Variants in DYRK2 observed in about 807,000 individuals in gnomAD.
The protein encoded by DYRK2 is dual specificity tyrosine phosphorylation regulated kinase 2, also known as dual specificity tyrosine-phosphorylation-regulated kinase 2.
Under a neutral mutation model 41.6 loss-of-function variants are expected in DYRK2, and 12 were observed. That is an observed-to-expected ratio of 0.29 (90% CI 0.18 to 0.47). The LOEUF is 0.47. DYRK2 is among the 20% of genes least tolerant of loss of function. DYRK2 has a pLI of 1.00. For missense variants in DYRK2, 678 were observed against 798.4 expected (o/e 0.85, Z 1.82); for synonymous variants, 322 against 315.7 (o/e 1.02, Z -0.21).
At position 67,658,062 on chromosome 12, in the gene DYRK2, G is replaced by A. The variant is rs146652644; in HGVS notation, c.1155G>A (p.Ser385=). Reference sequence around the variant, plus strand: ...AGCGTGTCTACACGTACATCCAGTCGCGTTTTTACCGGGCTCCAGAAGTGA... The same window carrying A: ...AGCGTGTCTACACGTACATCCAGTCACGTTTTTACCGGGCTCCAGAAGTGA... ...EHQRVYTYIQ[S]RFYRAPEVIL... Residue 385 remains serine (S), a synonymous_variant, in exon 3 of 3, where the codon TCG becomes TCA. Coordinates refer to ENST00000344096, the MANE Select transcript of DYRK2 (RefSeq NM_006482.3). The surrounding 1 kb of genome is among the most constrained non-coding windows in gnomAD (Gnocchi z 4.3). 66 of 1,614,118 alleles carry A rather than the reference G, an allele frequency of 4.1e-5. No homozygotes were observed. Among genetic ancestry groups the A allele is most frequent in the South Asian group, 9.9e-5 (9 of 91,086 alleles).
In DYRK2 at chr12:67,658,669, G is replaced by A; in HGVS notation, c.1762G>A (p.Gly588Arg). 6.2e-7 allele frequency: 1 copy of A among 1,613,688 alleles called. No individual in the cohort carries two copies. Residue 588 changes from glycine to arginine, a missense_variant, in exon 3 of 3, where the codon GGG becomes AGG. By Grantham distance (125) the Gly-to-Arg change is moderately radical (BLOSUM62 -2). This residue lies in a region of DYRK2 where 393 missense variants were observed against 519.1 expected (regional missense o/e 0.76). Transcript: ENST00000344096. This position sits in a 1 kb window ranked among gnomAD's most constrained non-coding sequence, Gnocchi z 4.3. ...TTTGGCGCAGATGACAGATGCCAAT[G>A]GGAATATTCAGCAGAGGACAGTGTT... ...TNLAQMTDAN[G>R]NIQQRTVLPK... is the part of the protein sequence containing the mutation.
intron 2 of DYRK2, among the ~76,000 whole-genome samples, chr12:67,656,060 G>A (rs2620790): frequency 1 from 151,778 of 152,300 alleles, 75,629 homozygotes; most frequent in Middle Eastern, 1. Context: ...GAAATCACCT[G>A]CCAGGCTGCT....
chr12:67,649,365 C>T (rs1193360942), intron 1 of DYRK2, among the ~76,000 whole-genome samples, 183 bp downstream of exon 1: 12 of 151,506 alleles, frequency 7.9e-5, no homozygotes, highest in Non-Finnish European at 1.6e-4. Context: ...CCGAAGGCCC[C>T]TCCGCGGGGA....
At position 67,658,663 on chromosome 12, in the gene DYRK2, G is replaced by A; in HGVS notation, c.1756G>A (p.Ala586Thr). The A allele has an allele frequency of 6.2e-7, 1 of 1,613,874 alleles. No homozygotes were observed. Residue 586 changes from alanine (A) to threonine (T), a missense_variant, in exon 3 of 3, where the codon GCC (alanine) becomes ACC (threonine). Around this residue, in one of 2 missense-constraint regions of DYRK2, gnomAD observed 393 missense variants for 519.1 expected, o/e 0.76. Coordinates refer to ENST00000344096, the MANE Select transcript of DYRK2 (RefSeq NM_006482.3). This position sits in a 1 kb window ranked among gnomAD's most constrained non-coding sequence, Gnocchi z 4.3. ...LRTNLAQMTD[A>T]NGNIQQRTVL... ...GACTAATTTGGCGCAGATGACAGAT[G>A]CCAATGGGAATATTCAGCAGAGGAC...
chr12:67,654,148 T>C (rs1872401534), intron 2 of DYRK2, among the ~76,000 whole-genome samples: 1 of 152,224 alleles, frequency 6.6e-6, no homozygotes. Context: ...GATCATTTAA[T>C]GTGTGTCTAA....
At chr12:67,652,040 A>C (rs1872336581) in intron 2 of DYRK2, among the ~76,000 whole-genome samples, 4 of 152,214 alleles carry the variant, frequency 2.6e-5, no homozygotes, top group Admixed American at 2.6e-4. Flanking sequence ...AAGAACTTCT[A>C]GAATGAATGG....
rs566827501 is a variant in DYRK2, at chr12:67,660,147, T to A, written c.*1434T>A. 4.8e-5 allele frequency: 8 copies of A among 167,120 alleles called. No homozygotes were observed. In the South Asian group the frequency reaches 1.2e-3, roughly 26 times the overall value. 10.4% of individuals were successfully genotyped at this position (167,120 alleles called of 1,614,324 possible). ...TCAATTTCAAGGCACGTGAAAAAAA[T>A]TTTTTAGTATGTGCAATTTAATATA... On this transcript the variant is annotated 3_prime_UTR_variant, in exon 3 of 3. Coordinates refer to ENST00000344096, the MANE Select transcript of DYRK2 (RefSeq NM_006482.3).
At chr12:67,649,278 C>G in intron 1 of DYRK2, 96 bp downstream of exon 1, 1 of 1,052,336 alleles carries the variant, frequency 9.5e-7, no homozygotes, top group Non-Finnish European at 1.2e-6. Context: ...GGACCTCGAA[C>G]AAAGTCGGCG....
rs971408842 is a variant in DYRK2 at position 67,662,176 on chromosome 12, A to G, written c.*3463A>G. On this transcript the variant is annotated 3_prime_UTR_variant, in exon 3 of 3. Coordinates refer to ENST00000344096, the MANE Select transcript of DYRK2 (RefSeq NM_006482.3). Reference sequence around the variant, plus strand: ...TTCTGGTAAGCAGAAGACTTTTTAAAAAAACTGATCTGGTCTCGGTAAAGG... The same window carrying G: ...TTCTGGTAAGCAGAAGACTTTTTAAGAAAACTGATCTGGTCTCGGTAAAGG... 1.8e-5 allele frequency: 3 copies of G among 166,940 alleles called. No homozygotes were observed. In the Admixed American group the frequency reaches 2.0e-4, roughly 11 times the overall value. The allele number at this position is 166,940 out of a possible 1,614,324, so 10.3% of individuals were successfully genotyped here.
chr12:67,664,623 T>G lies in DYRK2; in HGVS notation c.*5910T>G, dbSNP rs886441193. ...TTAGGTTGTAATCAGGTAATTTTGG[T>G]CTTGGACAGTAAGGGAAAATCCATA... On this transcript the variant is annotated 3_prime_UTR_variant, in exon 3 of 3. Transcript: ENST00000344096. 6.6e-6 allele frequency: 1 copy of G among 152,068 alleles called. No individual in the cohort carries two copies. Among genetic ancestry groups the G allele is most frequent in the Non-Finnish European group, 1.5e-5 (1 of 67,996 alleles). The allele number at this position is 152,068 out of a possible 1,614,324, so 9.4% of individuals were successfully genotyped here. A position where few individuals can be genotyped will look rare whatever the true frequency, so the allele number is the denominator to read the frequency against.
At chr12:67,656,166 G>A (rs1373411067) in intron 2 of DYRK2, among the ~76,000 whole-genome samples, 1 of 152,212 alleles carries the variant, frequency 6.6e-6, no homozygotes, top group Non-Finnish European at 1.5e-5. Context: ...CAGCCATAAT[G>A]CTTAAAGGAA....
chr12:67,660,078 A>G lies in DYRK2; in HGVS notation c.*1365A>G, dbSNP rs1173354995. On this transcript the variant is annotated 3_prime_UTR_variant, in exon 3 of 3. Transcript: ENST00000344096. Reference sequence around the variant, plus strand: ...CTGAATAATAATTATTTTCACAGTGAAAATTTCAGTATTTTATCACTAATG... The same window carrying G: ...CTGAATAATAATTATTTTCACAGTGGAAATTTCAGTATTTTATCACTAATG... 1 of 167,064 alleles carries G rather than the reference A, an allele frequency of 6.0e-6. No homozygotes were observed. The highest frequency in any genetic ancestry group is 1.5e-5 in the Non-Finnish European group (1 of 68,114). The allele number at this position is 167,064 out of a possible 1,614,324, so 10.3% of individuals were successfully genotyped here.
intron 2 of DYRK2, among the ~76,000 whole-genome samples, chr12:67,654,865 C>T (rs566532431): frequency 1.1e-4 from 16 of 152,204 alleles, no homozygotes; most frequent in African/African-American, 3.6e-4. Context: ...GGAACAAATG[C>T]GCAAACATCA....
Position 67,649,115 on chromosome 12 carries a change from A to G in DYRK2, c.-19A>G. On this transcript the variant is annotated 5_prime_UTR_variant, in exon 1 of 3. Coordinates refer to ENST00000344096, the MANE Select transcript of DYRK2 (RefSeq NM_006482.3). ...GGCGGCGACGGCAGCCCTGAAATGC[A>G]TTTTCCTCTCCAGCGGCCATGTTAA... The G allele has an allele frequency of 6.6e-7, 1 of 1,507,052 alleles. No individual in the cohort carries two copies. The highest frequency in any genetic ancestry group is 1.2e-5 in the South Asian group (1 of 81,058). 93.4% of individuals were successfully genotyped at this position (1,507,052 alleles called of 1,614,324 possible).
intron 2 of DYRK2, chr12:67,651,709 CAT>C: frequency 4.5e-6 from 2 of 443,802 alleles, no homozygotes; most frequent in African/African-American, 4.0e-5. Context: ...ATTTCTATAA[CAT>C]AGCAGATTTC....
chr12:67,658,724 C>A lies in DYRK2; in HGVS notation c.*11C>A, dbSNP rs746447064. ...AAACTTGTTAGCTGAGCTCACGTCC[C>A]CTGATGCTGGTAACCTGAAAGATAC... On this transcript the variant is annotated 3_prime_UTR_variant, in exon 3 of 3. Transcript: ENST00000344096. The surrounding 1 kb of genome is among the most constrained non-coding windows in gnomAD (Gnocchi z 4.3). 1.9e-6 allele frequency: 3 copies of A among 1,585,776 alleles called. No homozygotes were observed. Among genetic ancestry groups the A allele is most frequent in the Admixed American group, 1.8e-5 (1 of 57,054 alleles).
intron 2 of DYRK2, among the ~76,000 whole-genome samples, chr12:67,651,108 C>G (rs756096406): frequency 2.0e-5 from 3 of 152,208 alleles, no homozygotes; most frequent in Non-Finnish European, 4.4e-5. Flanking sequence ...CTGTCTGTCT[C>G]TCTATCCTGA....
rs1005847421 is a variant in DYRK2 at position 67,663,358 on chromosome 12, G to A, written c.*4645G>A. 12 of 152,024 alleles carry A rather than the reference G, an allele frequency of 7.9e-5. No homozygotes were observed. Among genetic ancestry groups the A allele is most frequent in the Non-Finnish European group, 1.5e-4 (10 of 67,984 alleles). 9.4% of individuals were successfully genotyped at this position (152,024 alleles called of 1,614,324 possible). A position where few individuals can be genotyped will look rare whatever the true frequency, so the allele number is the denominator to read the frequency against. On this transcript the variant is annotated 3_prime_UTR_variant, in exon 3 of 3. Transcript: ENST00000344096. The stretch of plus-strand genomic sequence containing the variant: ...TCGTCAGACATTGCAGGGATATTGT[G>A]TAGTCAGATATTACCCTCTTGTGGA...
Position 67,658,259 on chromosome 12 carries a change from G to A in DYRK2, c.1352G>A (p.Arg451Gln), listed in dbSNP as rs35688869. The A allele has an allele frequency of 3.7e-6, 6 of 1,614,152 alleles. No homozygotes were observed. Among genetic ancestry groups the A allele is most frequent in the Non-Finnish European group, 5.1e-6 (6 of 1,180,032 alleles). The change falls in exon 3 of 3, where the codon CGA (arginine) becomes CAA (glutamine). Residue 451 changes from arginine to glutamine, a missense_variant. By Grantham distance (43) the Arg-to-Gln change is conservative. This residue lies in a region of DYRK2 where 393 missense variants were observed against 519.1 expected (regional missense o/e 0.76). Coordinates refer to ENST00000344096, the MANE Select transcript of DYRK2 (RefSeq NM_006482.3). The surrounding 1 kb of genome is among the most constrained non-coding windows in gnomAD (Gnocchi z 4.3). ...CAGAAACTGCTGGATGCATCCAAAC[G>A]AGCCAAAAATTTTGTGAGCTCCAAG... The part of the protein sequence containing the change: ...PSQKLLDASK[R>Q]AKNFVSSKGY...
Sources: gnomAD v4.1 joint callset for allele counts (sites outside exome capture counted in the v4.1 genomes callset) on GRCh38, gnomAD v4.1.1 for gene constraint, gnomAD v4.1.1 regional missense constraint, Gnocchi (gnomAD v3.1) non-coding constraint, MANE v1.5 for transcripts, NCBI Gene and HGNC (gene_info 2026-07-23, HGNC 2026-07-21) for gene names.